Variants in AUTS2 observed in about 807,000 individuals in gnomAD.
The protein encoded by AUTS2 is autism susceptibility gene 2 protein.
Under a neutral mutation model 112.4 loss-of-function variants are expected in AUTS2, and 17 were observed. The ratio of observed to expected loss-of-function variants is 0.15; its 90% CI spans 0.10 to 0.23. The LOEUF (loss-of-function observed/expected upper bound fraction) is 0.23. AUTS2 is among the 10% of genes least tolerant of loss of function. The probability of loss-of-function intolerance (pLI) is 1.00; values close to 1 mark genes in which losing one functional copy is unlikely to be tolerated. For synonymous variants in AUTS2, 751 were observed against 702.7 expected (o/e 1.07, Z -1.09); for missense variants, 1,510 against 1,701.6 (o/e 0.89, Z 1.98).
intron 1 of AUTS2, among the ~76,000 whole-genome samples, chr7:69,749,476 C>G (rs1383272434): frequency 1.4e-5 from 2 of 144,140 alleles, no homozygotes; most frequent in Non-Finnish European, 1.5e-5. Context: ...CCCTTATCTT[C>G]TTTTCAGCTG....
At chr7:70,411,861 C>T (rs1377235035) in intron 4 of AUTS2, among the ~76,000 whole-genome samples, 3 of 150,808 alleles carry the variant, frequency 2.0e-5, no homozygotes, top group Admixed American at 6.6e-5. Context: ...AAACAGCCAA[C>T]GCTGCCAAGG....
chr7:69,880,183 G>A (rs977126262), intron 1 of AUTS2, among the ~76,000 whole-genome samples: 5 of 152,046 alleles, frequency 3.3e-5, no homozygotes, highest in African/African-American at 9.7e-5. Flanking sequence ...GGGGGTGGGG[G>A]TGCCACACAC....
chr7:70,191,573 A>G (rs1371036509), intron 4 of AUTS2, among the ~76,000 whole-genome samples: 2 of 152,208 alleles, frequency 1.3e-5, no homozygotes, highest in Admixed American at 6.5e-5. Context: ...CATGCATTGC[A>G]GGAATGTGCG....
At chr7:70,039,003 C>A (rs369322892) in intron 2 of AUTS2, among the ~76,000 whole-genome samples, 9 of 152,062 alleles carry the variant, frequency 5.9e-5, no homozygotes, top group African/African-American at 1.4e-4. Context: ...AGGTGATCCA[C>A]CTGCCTTGGC....
chr7:69,908,562 G>T (rs1161026390), intron 2 of AUTS2, among the ~76,000 whole-genome samples: 5 of 152,190 alleles, frequency 3.3e-5, no homozygotes, highest in Admixed American at 2.0e-4. Context: ...GAGGCCTGAT[G>T]AGCTGTGCCA....
intron 1 of AUTS2, among the ~76,000 whole-genome samples, chr7:69,825,104 G>A (rs1006490864): frequency 3.9e-5 from 6 of 152,236 alleles, no homozygotes; most frequent in South Asian, 2.1e-4. Context: ...TTTCTTTAGC[G>A]TTTACATAGT....
chr7:69,954,115 A>G (rs1236056125), intron 2 of AUTS2, among the ~76,000 whole-genome samples: 2 of 152,180 alleles, frequency 1.3e-5, no homozygotes, highest in Non-Finnish European at 2.9e-5. Context: ...TATGAGATAT[A>G]TAAGTATACA....
At chr7:70,695,591 C>CGG (rs1334650807) in intron 5 of AUTS2, among the ~76,000 whole-genome samples, 3 of 152,220 alleles carry the variant, frequency 2.0e-5, no homozygotes, top group Non-Finnish European at 2.9e-5. Context: ...GGGCGGCCCC[C>CGG]GGGGTCTGCG....
intron 5 of AUTS2, among the ~76,000 whole-genome samples, chr7:70,620,447 A>C (rs1019251181): frequency 6.6e-6 from 1 of 152,124 alleles, no homozygotes; most frequent in Non-Finnish European, 1.5e-5. Flanking sequence ...ATCGGTGTGC[A>C]GTAGGCGCTC....
intron 5 of AUTS2, among the ~76,000 whole-genome samples, chr7:70,440,100 G>A (rs1256128405): frequency 6.6e-6 from 1 of 152,020 alleles, no homozygotes; most frequent in African/African-American, 2.4e-5. Context: ...AGCATTTAGG[G>A]CCAGGCATGG....
chr7:69,999,316 C>T (rs1381044458), intron 2 of AUTS2, among the ~76,000 whole-genome samples: 3 of 152,072 alleles, frequency 2.0e-5, no homozygotes, highest in African/African-American at 7.2e-5. Context: ...CTGGTTATAC[C>T]ACAGTTACTT....
chr7:70,113,637 T>A (rs1805203223), intron 2 of AUTS2, among the ~76,000 whole-genome samples: 3 of 152,184 alleles, frequency 2.0e-5, no homozygotes, highest in Admixed American at 2.0e-4. Flanking sequence ...TGGAAGGAGA[T>A]TCCATTTGGA....
At chr7:70,397,589 A>C (rs1288259089) in intron 4 of AUTS2, among the ~76,000 whole-genome samples, 2 of 151,946 alleles carry the variant, frequency 1.3e-5, no homozygotes, top group Admixed American at 6.6e-5. Flanking sequence ...TGTTTAAGAA[A>C]TAATCTAAAA....
chr7:70,030,845 G>A (rs1353678826), intron 2 of AUTS2, among the ~76,000 whole-genome samples: 1 of 152,158 alleles, frequency 6.6e-6, no homozygotes, highest in Non-Finnish European at 1.5e-5. Flanking sequence ...CTTGAACTGA[G>A]CTAATTATCC....
intron 5 of AUTS2, among the ~76,000 whole-genome samples, chr7:70,651,362 G>C (rs1335176407): frequency 2.0e-5 from 3 of 152,208 alleles, no homozygotes; most frequent in Non-Finnish European, 1.5e-5. Context: ...CCAGGGTTTT[G>C]TGAGGCGACT....
intron 5 of AUTS2, among the ~76,000 whole-genome samples, chr7:70,553,107 C>G (rs1012366179): frequency 1.1e-4 from 16 of 152,216 alleles, no homozygotes; most frequent in Non-Finnish European, 2.4e-4. Context: ...CTGCTGTTCT[C>G]TTGTTTCTGA....
At chr7:70,642,047 T>C (rs74433621) in intron 5 of AUTS2, among the ~76,000 whole-genome samples, 10,900 of 152,300 alleles carry the variant, frequency 0.072, 577 homozygotes, top group East Asian at 0.21. Flanking sequence ...AATTCTGCAA[T>C]CTACCTGCGG....
chr7:70,483,973 T>C (rs1469424049), intron 5 of AUTS2, among the ~76,000 whole-genome samples: 2 of 152,174 alleles, frequency 1.3e-5, no homozygotes, highest in Non-Finnish European at 2.9e-5. Context: ...AAAGGCTTGA[T>C]TGTGAAGCAG....
intron 5 of AUTS2, among the ~76,000 whole-genome samples, chr7:70,650,425 T>C (rs1447884736): frequency 6.6e-6 from 1 of 152,230 alleles, no homozygotes; most frequent in Non-Finnish European, 1.5e-5. Context: ...CAACAGGGTC[T>C]GTCTGGGACC....
Sources: gnomAD v4.1 joint callset for allele counts (sites outside exome capture counted in the v4.1 genomes callset) on GRCh38, gnomAD v4.1.1 for gene constraint, MANE v1.5 for transcripts, NCBI Gene and HGNC (gene_info 2026-07-23, HGNC 2026-07-21) for gene names.